FAM20A: variants seen among roughly 807,000 people sequenced by gnomAD.
FAM20A encodes FAM20A golgi associated secretory pathway pseudokinase.
In FAM20A, 42 loss-of-function variants were observed where a neutral mutation model predicts 52.0. The observed-to-expected ratio is 0.81, with a 90% CI of 0.63 to 1.04. The LOEUF (loss-of-function observed/expected upper bound fraction) is 1.04. Ranked by LOEUF, FAM20A falls within the 50% of genes least tolerant of loss-of-function variation. The probability of loss-of-function intolerance (pLI) is 0.00; values close to 1 mark genes in which losing one functional copy is unlikely to be tolerated. For synonymous variants in FAM20A, 304 were observed against 298.9 expected (o/e 1.02, Z -0.18); for missense variants, 742 against 712.7 (o/e 1.04, Z -0.47).
chr17:68,545,542 G>A (rs777877055), intron 4 of FAM20A, among the ~76,000 whole-genome samples: 2 of 152,220 alleles, frequency 1.3e-5, no homozygotes, highest in Non-Finnish European at 2.9e-5. Flanking sequence ...TGAGCCTTCA[G>A]CAAGTCATAA....
chr17:68,584,559 G>A (rs573446029), intron 1 of FAM20A, among the ~76,000 whole-genome samples: 12 of 152,324 alleles, frequency 7.9e-5, no homozygotes, highest in African/African-American at 2.4e-4. Flanking sequence ...AGGACAAGAA[G>A]CAGCCTGCTG....
In FAM20A at chr17:68,571,960, G is replaced by A. The variant is rs771934890; in HGVS notation, c.405-16217C>T. Among the ~76,000 whole-genome samples the A allele has an allele frequency of 1.3e-4, 16 of 124,906 alleles. No individual in the cohort carries two copies. In the East Asian group the frequency reaches 2.4e-3, roughly 18 times the overall value. 81.9% of individuals were successfully genotyped at this position (124,906 alleles called of 152,430 possible). On this transcript the variant is annotated intron_variant, in intron 1 of 10. Transcript: ENST00000592554. ...TAGAAATATATATATGTGTGTGTGT[G>A]TATATATATGTGTGTGTATATACAT...
chr17:68,539,205 G>A (rs1359752722), intron 10 of FAM20A, 132 bp downstream of exon 10: 7 of 790,716 alleles, frequency 8.9e-6, no homozygotes, highest in Admixed American at 2.0e-5. Context: ...TAGGAAATAA[G>A]GTGATTCATG....
intron 2 of FAM20A, 31 bp from the exon 3 acceptor site, chr17:68,554,858 T>A: frequency 6.2e-7 from 1 of 1,611,796 alleles, no homozygotes; most frequent in Non-Finnish European, 8.5e-7. Flanking sequence ...AATGAGAACT[T>A]CCAGTCTTGT....
intron 1 of FAM20A, chr17:68,582,524 G>T (rs1316858672): frequency 6.6e-6 from 1 of 152,186 alleles, no homozygotes; most frequent in Non-Finnish European, 1.5e-5. Context: ...GGATAAGGCT[G>T]CATATCGATA....
In FAM20A at chr17:68,571,691, T is replaced by A. The variant is rs571895008; in HGVS notation, c.405-15948A>T. Among the ~76,000 whole-genome samples the A allele has an allele frequency of 4.7e-4, 71 of 152,142 alleles. No individual in the cohort carries two copies. In the South Asian group the frequency reaches 6.0e-3, roughly 13 times the overall value. On this transcript the variant is annotated intron_variant, in intron 1 of 10. Transcript: ENST00000592554. The stretch of plus-strand genomic sequence containing the variant: ...TTCTCAAGGTTGTTTTTCTTTTTTT[T>A]CCCCATGGCTGTGATGAATTTGGAA...
rs1222878335 is a variant in FAM20A, at chr17:68,535,310, T to G, written c.*2167A>C. 2.2e-6 allele frequency: 1 copy of G among 454,024 alleles called. No individual in the cohort carries two copies. The highest frequency in any genetic ancestry group is 6.9e-5 in the East Asian group (1 of 14,412). 28.1% of individuals were successfully genotyped at this position (454,024 alleles called of 1,614,324 possible). The stretch of plus-strand genomic sequence containing the variant: ...AAGGTAGGTGTACCACATATCATGG[T>G]GAAATTCAAGCCTATTGCTTTCTGT... On this transcript the variant is annotated 3_prime_UTR_variant, in exon 11 of 11. Coordinates refer to ENST00000592554, the MANE Select transcript of FAM20A (RefSeq NM_017565.4).
Position 68,536,994 on chromosome 17 carries a change from A to C in FAM20A, c.*483T>G, listed in dbSNP as rs2143436741. ...GTGTGAGGTCTAATTTGAACCTGTC[A>C]GAGTTACTGTTGCCTGCGCTGGCCC... is the stretch of plus-strand genomic sequence containing the variant. On this transcript the variant is annotated 3_prime_UTR_variant, in exon 11 of 11. Transcript: ENST00000592554. 2.2e-6 allele frequency: 1 copy of C among 454,800 alleles called. No individual in the cohort carries two copies. The highest frequency in any genetic ancestry group is 6.9e-5 in the East Asian group (1 of 14,420). 28.2% of individuals were successfully genotyped at this position (454,800 alleles called of 1,614,324 possible). A position where few individuals can be genotyped will look rare whatever the true frequency, so the allele number is the denominator to read the frequency against.
intron 9 of FAM20A, 150 bp downstream of exon 9, chr17:68,539,735 A>G (rs1038033596): frequency 6.7e-6 from 5 of 745,132 alleles, no homozygotes; most frequent in Admixed American, 2.1e-5. Context: ...AAAGAGAAAG[A>G]AGGAAATGGA....
At chr17:68,552,872 G>A (rs2086907916) in intron 3 of FAM20A, among the ~76,000 whole-genome samples, 2 of 121,600 alleles carry the variant, frequency 1.6e-5, no homozygotes. Context: ...TAGTAGAGAC[G>A]GGGTTTCACC....
Position 68,537,557 on chromosome 17 carries a change from G to A in FAM20A, c.1546C>T (p.His516Tyr), listed in dbSNP as rs747067542. The A allele has an allele frequency of 1.9e-5, 31 of 1,613,388 alleles. No individual in the cohort carries two copies. The highest frequency in any genetic ancestry group is 2.6e-5 in the Non-Finnish European group (31 of 1,179,638). ...LRTVEGCIVA[H>Y]GQQSVIVDGP... The stretch of plus-strand genomic sequence containing the variant: ...TCGACTATGACACTCTGCTGTCCAT[G>A]GGCCACTATGCACCCCTCCACTGTC... The change falls in exon 11 of 11, where the codon CAT becomes TAT. Residue 516 changes from histidine (H) to tyrosine (Y), a missense_variant. His to Tyr is a moderately conservative substitution (Grantham distance 83, BLOSUM62 2). Transcript: ENST00000592554. This position sits in a 1 kb window ranked among gnomAD's most constrained non-coding sequence, Gnocchi z 4.2.
chr17:68,551,899 G>A lies in FAM20A; in HGVS notation c.693C>T (p.Phe231=), dbSNP rs745619926. The A allele has an allele frequency of 1.1e-5, 18 of 1,588,406 alleles. No individual in the cohort carries two copies. Among genetic ancestry groups the A allele is most frequent in the African/African-American group, 1.1e-4 (8 of 74,354 alleles). The part of the protein sequence containing the change: ...HLKLVLRFSD[F]GKAMFKPMRQ... Reference sequence around the variant, plus strand: ...TCATGGGTTTGAACATGGCCTTCCCGAAATCCGAGAACCTCAGCACCAGCT... The same window carrying A: ...TCATGGGTTTGAACATGGCCTTCCCAAAATCCGAGAACCTCAGCACCAGCT... The change falls in exon 4 of 11, where the codon TTC becomes TTT. Residue 231 remains phenylalanine (F), a synonymous_variant. Coordinates refer to ENST00000592554, the MANE Select transcript of FAM20A (RefSeq NM_017565.4).
chr17:68,590,326 C>T (rs575658564), intron 1 of FAM20A: 1 of 152,300 alleles, frequency 6.6e-6, no homozygotes, highest in South Asian at 2.1e-4. Context: ...TCCCCCTCTT[C>T]CTTTCAAAAG....
Position 68,569,886 on chromosome 17 carries a change from C to T in FAM20A, c.405-14143G>A, listed in dbSNP as rs191072343. Reference sequence around the variant, plus strand: ...TCATTCCTTGGAAGTCTGCATTGGCCTCCGGAGAGGTCCCATGTCTCTGTT... The same window carrying T: ...TCATTCCTTGGAAGTCTGCATTGGCTTCCGGAGAGGTCCCATGTCTCTGTT... On this transcript the variant is annotated intron_variant, in intron 1 of 10. Coordinates refer to ENST00000592554, the MANE Select transcript of FAM20A (RefSeq NM_017565.4). 2.2e-3 allele frequency among the ~76,000 whole-genome samples: 338 copies of T among 152,260 alleles called. 3 individuals are homozygous for T. Among genetic ancestry groups the T allele is most frequent in the South Asian group, 9.7e-3 (47 of 4,822 alleles).
In FAM20A at chr17:68,537,371, G is replaced by T; in HGVS notation, c.*106C>A. On this transcript the variant is annotated 3_prime_UTR_variant, in exon 11 of 11. Coordinates refer to ENST00000592554, the MANE Select transcript of FAM20A (RefSeq NM_017565.4). This position sits in a 1 kb window ranked among gnomAD's most constrained non-coding sequence, Gnocchi z 4.2. ...AAAATGTCCTGCTTCCTTCCTAGCT[G>T]ACTTGACTCCCAGCAGTAACAGGTG... 7.0e-7 allele frequency: 1 copy of T among 1,432,442 alleles called. No individual in the cohort carries two copies. The highest frequency in any genetic ancestry group is 1.2e-5 in the South Asian group (1 of 85,660). 88.7% of individuals were successfully genotyped at this position (1,432,442 alleles called of 1,614,324 possible). A position where few individuals can be genotyped will look rare whatever the true frequency, so the allele number is the denominator to read the frequency against.
chr17:68,544,007 A>G (rs2086432977), intron 4 of FAM20A, among the ~76,000 whole-genome samples: 1 of 152,276 alleles, frequency 6.6e-6, no homozygotes, highest in East Asian at 1.9e-4. Flanking sequence ...TTATTTTCAA[A>G]ACCCAGCAGT....
At chr17:68,571,820 A>G (rs1318404377) in intron 1 of FAM20A, among the ~76,000 whole-genome samples, 2 of 151,828 alleles carry the variant, frequency 1.3e-5, no homozygotes, top group Non-Finnish European at 2.9e-5. Context: ...TAAGCAAAAG[A>G]GTACAAAATT....
chr17:68,565,655 A>G (rs1322440113), intron 1 of FAM20A, among the ~76,000 whole-genome samples: 1 of 151,866 alleles, frequency 6.6e-6, no homozygotes, highest in East Asian at 1.9e-4. Context: ...CTGCCTCCCA[A>G]AGTGCTGGGA....
At chr17:68,589,564 G>A (rs2088245961) in intron 1 of FAM20A, among the ~76,000 whole-genome samples, 1 of 152,168 alleles carries the variant, frequency 6.6e-6, no homozygotes, top group Admixed American at 6.5e-5. Context: ...TTTGGAGTTG[G>A]GGGCAAGGGG....
Sources: gnomAD v4.1 joint callset for allele counts (sites outside exome capture counted in the v4.1 genomes callset) on GRCh38, gnomAD v4.1.1 for gene constraint, Gnocchi (gnomAD v3.1) non-coding constraint, MANE v1.5 for transcripts, NCBI Gene and HGNC (gene_info 2026-07-23, HGNC 2026-07-21) for gene names.